Variants in MMP26 observed in about 807,000 individuals in gnomAD.
MMP26 encodes matrix metalloproteinase-26.
In MMP26, 33 loss-of-function variants were observed where a neutral mutation model predicts 31.0. The observed-to-expected ratio is 1.06, with a 90% CI of 0.81 to 1.42. MMP26 has a LOEUF of 1.42. Ranked by LOEUF, MMP26 falls within the 40% of genes most tolerant of loss-of-function variation. The pLI, the probability that MMP26 is intolerant of heterozygous loss-of-function variation, is 0.00. For synonymous variants in MMP26, 122 were observed against 114.9 expected (o/e 1.06, Z -0.40); for missense variants, 347 against 316.1 (o/e 1.10, Z -0.74).
chr11:4,882,476 A>G, intron 2 of MMP26: 2 of 1,613,842 alleles, frequency 1.2e-6, no homozygotes, highest in Non-Finnish European at 1.7e-6. Flanking sequence ...CACATATTCC[A>G]AACCTTGGAT....
At chr11:4,982,066 GTA>G (rs146745090) in intron 2 of MMP26, among the ~76,000 whole-genome samples, 44 of 148,804 alleles carry the variant, frequency 3.0e-4, no homozygotes, top group Middle Eastern at 3.5e-3. Context: ...ATGTATGTAT[GTA>G]TATATATATA....
At chr11:4,750,883 C>A (rs1204686915) in intron 1 of MMP26, among the ~76,000 whole-genome samples, 9 of 151,794 alleles carry the variant, frequency 5.9e-5, no homozygotes, top group Non-Finnish European at 1.3e-4. Context: ...TGCAATATAT[C>A]CATGTAACAA....
Position 4,986,929 on chromosome 11 carries a change from CT to C in MMP26, c.-144-1138del, listed in dbSNP as rs1372027259. On this transcript the variant is annotated intron_variant, in intron 2 of 7. Coordinates refer to ENST00000380390, the MANE Select transcript of MMP26 (RefSeq NM_021801.5). Reference sequence around the variant, plus strand: ...TTTCTCTCTCTCTCTCTCTCTCTCTCTCCCTCTCTCTCTCTCTCTCTCTCTC... The same window carrying C: ...TTTCTCTCTCTCTCTCTCTCTCTCTCCCCTCTCTCTCTCTCTCTCTCTCTC... Among the ~76,000 whole-genome samples, 148 of 108,892 alleles carry C rather than the reference CT, an allele frequency of 1.4e-3. 4 individuals carry two copies. The highest frequency in any genetic ancestry group is 5.6e-3 in the African/African-American group (140 of 25,188). The allele number at this position is 108,892 out of a possible 152,430, so 71.4% of individuals were successfully genotyped here.
At chr11:4,843,547 G>A (rs868062619) in intron 2 of MMP26, among the ~76,000 whole-genome samples, 1 of 152,212 alleles carries the variant, frequency 6.6e-6, no homozygotes, top group African/African-American at 2.4e-5. Flanking sequence ...TGGCTGGAAC[G>A]CAGGGTGCCA....
chr11:4,893,970 A>T (rs1197972319), intron 2 of MMP26, among the ~76,000 whole-genome samples: 2 of 152,154 alleles, frequency 1.3e-5, no homozygotes, highest in African/African-American at 4.8e-5. Context: ...AATATCCTTT[A>T]CAAAATATTA....
chr11:4,892,209 A>G (rs1850635138), intron 2 of MMP26, among the ~76,000 whole-genome samples: 1 of 152,250 alleles, frequency 6.6e-6, no homozygotes, highest in South Asian at 2.1e-4. Context: ...GCTACCTTCC[A>G]AAAAGGATAA....
chr11:4,848,053 T>G, intron 2 of MMP26: 4 of 616,386 alleles, frequency 6.5e-6, no homozygotes. Flanking sequence ...TGGATCATGT[T>G]CATTCTTTGG....
chr11:4,855,836 C>T (rs1850043401), intron 2 of MMP26, among the ~76,000 whole-genome samples: 1 of 152,158 alleles, frequency 6.6e-6, no homozygotes, highest in African/African-American at 2.4e-5. Flanking sequence ...GGTCGCGTTA[C>T]CCACAAAGGG....
chr11:4,718,250 CTT>C (rs1847962842), intron 1 of MMP26, among the ~76,000 whole-genome samples: 1 of 152,220 alleles, frequency 6.6e-6, no homozygotes, highest in Non-Finnish European at 1.5e-5. Flanking sequence ...ATATATTACT[CTT>C]TGTCTAAAAT....
intron 2 of MMP26, among the ~76,000 whole-genome samples, chr11:4,954,049 G>A (rs12799116): frequency 0.24 from 29,433 of 124,924 alleles, 9,326 homozygotes; most frequent in Non-Finnish European, 0.26. Flanking sequence ...GCAAGATTTC[G>A]TCTCAAAAAA....
chr11:4,748,383 C>G (rs1404417466), intron 1 of MMP26, among the ~76,000 whole-genome samples: 1 of 151,826 alleles, frequency 6.6e-6, no homozygotes, highest in Non-Finnish European at 1.5e-5. Context: ...GAGTTGGTAC[C>G]AATCCAACTA....
rs142316044 is a variant in MMP26, at chr11:4,777,910, G to A, written c.-145+10569G>A. On this transcript the variant is annotated intron_variant, in intron 2 of 7. Transcript: ENST00000380390. Reference sequence around the variant, plus strand: ...GAATAATTCTGCTATGAATATTACTGTGCTTGGCATTACAAAACATGCATA... The same window carrying A: ...GAATAATTCTGCTATGAATATTACTATGCTTGGCATTACAAAACATGCATA... Among the ~76,000 whole-genome samples the A allele has an allele frequency of 1.2e-3, 189 of 152,054 alleles. 2 individuals are homozygous for A. The highest frequency in any genetic ancestry group is 1.7e-3 in the Non-Finnish European group (118 of 67,934).
intron 2 of MMP26, chr11:4,945,791 G>T: frequency 3.6e-6 from 1 of 280,794 alleles, no homozygotes; most frequent in Non-Finnish European, 6.8e-6. Flanking sequence ...TGGATAAAGA[G>T]ACAGCTAATT....
Position 4,801,211 on chromosome 11 carries a change from C to T in MMP26, c.-145+33870C>T, listed in dbSNP as rs187025591. Among the ~76,000 whole-genome samples, 60 of 152,310 alleles carry T rather than the reference C, an allele frequency of 3.9e-4. No homozygotes were observed. In the East Asian group the frequency reaches 9.8e-3, roughly 25 times the overall value. ...TCTAACCTCTGCCCATTACCCAGTT[C>T]CAAAGCAGCTTCCACATTTTCAGGT... On this transcript the variant is annotated intron_variant, in intron 2 of 7. Coordinates refer to ENST00000380390, the MANE Select transcript of MMP26 (RefSeq NM_021801.5).
chr11:4,707,227 T>A (rs11033454), intron 1 of MMP26, among the ~76,000 whole-genome samples: 24,528 of 152,182 alleles, frequency 0.16, 3,847 homozygotes, highest in African/African-American at 0.4. Context: ...TTCATAGCTA[T>A]GAGGTTATAT....
chr11:4,944,915 T>C (rs1433567039), intron 2 of MMP26: 1 of 152,144 alleles, frequency 6.6e-6, no homozygotes, highest in East Asian at 1.9e-4. Flanking sequence ...ACAAACATGG[T>C]CTTATTTTTA....
chr11:4,935,836 A>C (rs1176783735), intron 2 of MMP26, among the ~76,000 whole-genome samples: 1 of 151,492 alleles, frequency 6.6e-6, no homozygotes, highest in African/African-American at 2.4e-5. Flanking sequence ...TGAGATAATC[A>C]TGTGATTTTT....
intron 2 of MMP26, among the ~76,000 whole-genome samples, chr11:4,897,153 T>A (rs963211149): frequency 1.3e-5 from 2 of 151,950 alleles, no homozygotes; most frequent in African/African-American, 4.8e-5. Context: ...TTTTGTTTAT[T>A]TTTTTTGGAT....
chr11:4,941,503 C>A (rs1846205250), intron 2 of MMP26, among the ~76,000 whole-genome samples: 1 of 152,140 alleles, frequency 6.6e-6, no homozygotes, highest in African/African-American at 2.4e-5. Context: ...GTTTCTTAAA[C>A]TTTAATGTGC....
Sources: gnomAD v4.1 joint callset for allele counts (sites outside exome capture counted in the v4.1 genomes callset) on GRCh38, gnomAD v4.1.1 for gene constraint, MANE v1.5 for transcripts, NCBI Gene and HGNC (gene_info 2026-07-23, HGNC 2026-07-21) for gene names.